DNA2: variants seen among roughly 807,000 people sequenced by gnomAD.
DNA2 encodes the protein DNA replication ATP-dependent helicase/nuclease DNA2.
DNA2 carries 101 observed loss-of-function variants against 119.1 expected under a neutral mutation model. The observed-to-expected ratio is 0.85, with a 90% CI of 0.72 to 1.00. DNA2 has a LOEUF of 1.00. Ranked by LOEUF, DNA2 falls within the 50% of genes least tolerant of loss-of-function variation. The pLI, the probability that DNA2 is intolerant of heterozygous loss-of-function variation, is 0.00. For missense variants in DNA2, 1,121 were observed against 1,255.5 expected (o/e 0.89, Z 1.62); for synonymous variants, 366 against 424.4 (o/e 0.86, Z 1.69).
At chr10:68,440,253 A>G (rs567263828) in intron 9 of DNA2, among the ~76,000 whole-genome samples, 11 of 152,290 alleles carry the variant, frequency 7.2e-5, no homozygotes, top group Middle Eastern at 3.4e-3. Context: ...GCAGTGGGTC[A>G]AGACACTCCA....
chr10:68,447,654 A>C (rs1253309483), intron 6 of DNA2, among the ~76,000 whole-genome samples: 1 of 151,486 alleles, frequency 6.6e-6, no homozygotes, highest in African/African-American at 2.4e-5. Context: ...GTGCCACTAC[A>C]TTCCAGCCCA....
At chr10:68,470,197 AACCATGAAATAAGAAGCC>A in intron 1 of DNA2, 34 bp from the exon 2 acceptor site, 1 of 1,536,664 alleles carries the variant, frequency 6.5e-7, no homozygotes, top group Non-Finnish European at 8.7e-7. Flanking sequence ...ATTTTAGCAC[AACCATGAAATAAGAAGCC>A]ATCCAATATG....
rs2051825662 is a variant in DNA2 at position 68,431,863 on chromosome 10, A to G, written c.1982T>C (p.Leu661Pro). 6.2e-7 allele frequency: 1 copy of G among 1,600,778 alleles called. No homozygotes were observed. Among genetic ancestry groups the G allele is most frequent in the East Asian group, 2.2e-5 (1 of 44,802 alleles). Residue 661 changes from leucine to proline, a missense_variant and splice_region_variant, in exon 13 of 21, where the codon CTC becomes CCC. Physicochemically the swap from Leu to Pro is moderately conservative, Grantham distance 98 (BLOSUM62 -3). Transcript: ENST00000358410. The part of the protein sequence containing the change: ...GTGKTTTICT[L>P]VRILYACGFS... ...TAAGCAGAAGAATAATAACCTTACG[A>G]GAGTACATATCGTAGTTGTTTTTCC...
At chr10:68,420,602 T>C (rs2051652021) in intron 17 of DNA2, among the ~76,000 whole-genome samples, 1 of 152,014 alleles carries the variant, frequency 6.6e-6, no homozygotes, top group Non-Finnish European at 1.5e-5. Context: ...CTTGTCCCCT[T>C]TTATACAAAT....
At chr10:68,427,541 C>T (rs1232564998) in intron 14 of DNA2, among the ~76,000 whole-genome samples, 1 of 150,276 alleles carries the variant, frequency 6.7e-6, no homozygotes, top group Non-Finnish European at 1.5e-5. Flanking sequence ...TCTAGTTACT[C>T]AGGAGGCTGA....
chr10:68,429,362 C>T (rs745820943), intron 14 of DNA2, among the ~76,000 whole-genome samples: 9 of 151,422 alleles, frequency 5.9e-5, no homozygotes, highest in Non-Finnish European at 1.3e-4. Context: ...CTGACCAACA[C>T]GGAGAAACCC....
intron 4 of DNA2, among the ~76,000 whole-genome samples, chr10:68,459,662 G>A (rs914681144): frequency 1.3e-5 from 2 of 152,144 alleles, no homozygotes; most frequent in Admixed American, 1.3e-4. Flanking sequence ...GATGCAAAGA[G>A]TTCTGGAGAT....
chr10:68,423,008 C>T (rs928018822), intron 14 of DNA2, 118 bp from the exon 15 acceptor site: 5 of 653,318 alleles, frequency 7.7e-6, no homozygotes, highest in East Asian at 2.9e-5. Flanking sequence ...AGGAATCCTT[C>T]GATATTATTT....
intron 9 of DNA2, among the ~76,000 whole-genome samples, chr10:68,442,202 G>C (rs538989545): frequency 6.6e-6 from 1 of 150,988 alleles, no homozygotes; most frequent in South Asian, 2.1e-4. Flanking sequence ...GGCATGACCC[G>C]ACGCCCTGAC....
At chr10:68,426,040 G>A (rs1590050425) in intron 14 of DNA2, among the ~76,000 whole-genome samples, 1 of 151,804 alleles carries the variant, frequency 6.6e-6, no homozygotes, top group African/African-American at 2.4e-5. Context: ...GGAAGCTGAG[G>A]CATGAGAACC....
At chr10:68,438,064 G>A (rs1487823660) in intron 9 of DNA2, among the ~76,000 whole-genome samples, 4 of 152,122 alleles carry the variant, frequency 2.6e-5, no homozygotes, top group African/African-American at 9.7e-5. Flanking sequence ...GAAAGTGCTA[G>A]GGATCGCCCC....
In DNA2 at chr10:68,422,870, A is replaced by G. The variant is rs2051684750; in HGVS notation, c.2229T>C (p.Cys743=). 1 of 1,583,534 alleles carries G rather than the reference A, an allele frequency of 6.3e-7. No homozygotes were observed. Among genetic ancestry groups the G allele is most frequent in the African/African-American group, 1.4e-5 (1 of 73,084 alleles). Residue 743 remains cysteine, a synonymous_variant, in exon 15 of 21, where the codon TGT becomes TGC. Transcript: ENST00000358410. ...YNSQLIVATT[C]MGINHPIFSR... The stretch of plus-strand genomic sequence containing the variant: ...AAAATATTGGATGGTTTATTCCCAT[A>G]CATGTTGTTGCAACTATAAGCTAAA...
chr10:68,425,211 A>C (rs1481933931), intron 14 of DNA2, among the ~76,000 whole-genome samples: 2 of 142,676 alleles, frequency 1.4e-5, no homozygotes, highest in South Asian at 2.2e-4. Flanking sequence ...TCTCCTGCCT[A>C]AGCCTCCCGA....
At chr10:68,456,084 A>G (rs10998189) in intron 5 of DNA2, among the ~76,000 whole-genome samples, 38,619 of 151,524 alleles carry the variant, frequency 0.25, 5,715 homozygotes, top group East Asian at 0.4. Flanking sequence ...TAGCCAGGCA[A>G]AGTGGTGTGC....
chr10:68,416,013 T>G (rs2051584635), intron 20 of DNA2, among the ~76,000 whole-genome samples: 1 of 152,068 alleles, frequency 6.6e-6, no homozygotes, highest in South Asian at 2.1e-4. Flanking sequence ...TCCTCTCTAT[T>G]AAAAATTTTA....
chr10:68,445,239 C>T (rs1271090467), intron 7 of DNA2, among the ~76,000 whole-genome samples, 156 bp from the exon 8 acceptor site: 2 of 152,148 alleles, frequency 1.3e-5, no homozygotes, highest in Non-Finnish European at 1.5e-5. Flanking sequence ...CTGAGGTGGG[C>T]GGATCACCTG....
chr10:68,455,639 G>A (rs1045546046), intron 5 of DNA2, among the ~76,000 whole-genome samples: 2 of 151,754 alleles, frequency 1.3e-5, no homozygotes, highest in Admixed American at 6.6e-5. Flanking sequence ...TGGCCAACAT[G>A]GTGAAACCTC....
At chr10:68,470,299 C>T in intron 1 of DNA2, 136 bp from the exon 2 acceptor site, 2 of 726,614 alleles carry the variant, frequency 2.8e-6, no homozygotes, top group East Asian at 5.7e-5. Context: ...GACATTTAGA[C>T]AAAATAGGTA....
intron 3 of DNA2, among the ~76,000 whole-genome samples, chr10:68,467,293 T>C (rs1010273742): frequency 6.6e-6 from 1 of 152,062 alleles, no homozygotes; most frequent in Non-Finnish European, 1.5e-5. Flanking sequence ...GTGTATTTAG[T>C]AGAGACTGGT....
Sources: gnomAD v4.1 joint callset for allele counts (sites outside exome capture counted in the v4.1 genomes callset) on GRCh38, gnomAD v4.1.1 for gene constraint, MANE v1.5 for transcripts, NCBI Gene and HGNC (gene_info 2026-07-23, HGNC 2026-07-21) for gene names.